Variants in ATAD5 observed in about 807,000 individuals in gnomAD.
The protein encoded by ATAD5 is ATPase family AAA domain-containing protein 5.
Under a neutral mutation model 176.9 loss-of-function variants are expected in ATAD5, and 58 were observed. The ratio of observed to expected loss-of-function variants is 0.33; its 90% CI spans 0.27 to 0.41. ATAD5 has a LOEUF of 0.41. Ranked by LOEUF, ATAD5 falls within the 10% of genes least tolerant of loss-of-function variation. The probability of loss-of-function intolerance (pLI) is 1.00; values close to 1 mark genes in which losing one functional copy is unlikely to be tolerated. For missense variants in ATAD5, 1,789 were observed against 2,094.1 expected, an observed-to-expected ratio of 0.85 and a Z score of 2.84; for synonymous variants, 640 against 712.6, an observed-to-expected ratio of 0.90 and a Z score of 1.62.
chr17:30,890,922 T>C (rs1254275047), intron 19 of ATAD5, among the ~76,000 whole-genome samples: 2 of 152,190 alleles, frequency 1.3e-5, no homozygotes, highest in Non-Finnish European at 2.9e-5. Flanking sequence ...AGTTTATTGT[T>C]AGCACATACG....
intron 6 of ATAD5, among the ~76,000 whole-genome samples, chr17:30,846,424 G>A (rs1217741975): frequency 1.5e-5 from 2 of 133,932 alleles, no homozygotes; most frequent in African/African-American, 5.5e-5. Flanking sequence ...TTTTTTTTTA[G>A]ACGGAGTCTC....
At chr17:30,884,521 C>T (rs1301800938) in intron 18 of ATAD5, among the ~76,000 whole-genome samples, 8 of 144,492 alleles carry the variant, frequency 5.5e-5, no homozygotes, top group African/African-American at 1.6e-4. Context: ...CTCTGCCTCC[C>T]GGTTTCAAGC....
chr17:30,884,429 T>C lies in ATAD5; in HGVS notation c.4078-2763T>C, dbSNP rs562169020. ...CATTATATTTCTTTTCTTTTCTTTTTTTTTTTTTTTTTTTTTTGAGATGTA... is the reference window on the plus strand; with the variant it reads ...CATTATATTTCTTTTCTTTTCTTTTCTTTTTTTTTTTTTTTTTGAGATGTA... On this transcript the variant is annotated intron_variant, in intron 18 of 22. Transcript: ENST00000321990. Among the ~76,000 whole-genome samples, 73 of 136,244 alleles carry C rather than the reference T, an allele frequency of 5.4e-4. No individual in the cohort carries two copies. In the South Asian group the frequency reaches 5.6e-3, roughly 11 times the overall value. 89.4% of individuals were successfully genotyped at this position (136,244 alleles called of 152,430 possible). A position where few individuals can be genotyped will look rare whatever the true frequency, so the allele number is the denominator to read the frequency against.
At chr17:30,872,619 G>A (rs576847665) in intron 14 of ATAD5, among the ~76,000 whole-genome samples, 3 of 150,314 alleles carry the variant, frequency 2.0e-5, no homozygotes, top group East Asian at 3.9e-4. Context: ...GCAGTGGTGC[G>A]ATCTTGGTGC....
intron 19 of ATAD5, 35 bp from the exon 20 acceptor site, chr17:30,892,570 TAC>T (rs1909695739): frequency 7.1e-7 from 1 of 1,417,136 alleles, no homozygotes; most frequent in East Asian, 2.4e-5. Flanking sequence ...ATTTGTTTAA[TAC>T]ATATATAGAG....
chr17:30,877,983 A>C lies in ATAD5; in HGVS notation c.3919-20A>C, dbSNP rs1567696171. 2 of 1,491,464 alleles carry C rather than the reference A, an allele frequency of 1.3e-6. No homozygotes were observed. The highest frequency in any genetic ancestry group is 1.9e-6 in the Non-Finnish European group (2 of 1,073,984). The allele number at this position is 1,491,464 out of a possible 1,614,324, so 92.4% of individuals were successfully genotyped here. A position where few individuals can be genotyped will look rare whatever the true frequency, so the allele number is the denominator to read the frequency against. ...ATATTAGTAAGTGTATTAATATATT[A>C]ATATTCTAATAAACTGTAGGTTGAT... On this transcript the variant is annotated intron_variant, in intron 16 of 22. Coordinates refer to ENST00000321990, the MANE Select transcript of ATAD5 (RefSeq NM_024857.5).
At chr17:30,849,771 A>G (rs1045432908) in intron 6 of ATAD5, among the ~76,000 whole-genome samples, 3 of 152,220 alleles carry the variant, frequency 2.0e-5, no homozygotes, top group African/African-American at 7.2e-5. Flanking sequence ...GATGACGTCC[A>G]GTTTATGGGT....
At position 30,894,884 on chromosome 17, in the gene ATAD5, G is replaced by C. The variant is rs917451041; in HGVS notation, c.5506G>C (p.Val1836Leu). ...GIHLDIPKETVNTLAADFP is the reference protein window; with the variant it reads ...GIHLDIPKETLNTLAADFP ...TCATCTTGACATTCCAAAAGAGACT[G>C]TGAATACTTTGGCAGCTGACTTCCC... Residue 1836 changes from valine (V) to leucine (L), a missense_variant, in exon 23 of 23, where the codon GTG (valine) becomes CTG (leucine). Coordinates refer to ENST00000321990, the MANE Select transcript of ATAD5 (RefSeq NM_024857.5). 6.9e-6 allele frequency: 11 copies of C among 1,598,474 alleles called. No homozygotes were observed. Among genetic ancestry groups the C allele is most frequent in the Non-Finnish European group, 9.4e-6 (11 of 1,175,654 alleles).
chr17:30,869,883 A>C, intron 14 of ATAD5: 1 of 450,160 alleles, frequency 2.2e-6, no homozygotes, highest in Non-Finnish European at 3.9e-6. Flanking sequence ...TAACTATAAT[A>C]TCGTAATCAG....
intron 2 of ATAD5, among the ~76,000 whole-genome samples, 197 bp downstream of exon 2, chr17:30,836,245 C>G (rs1483796809): frequency 6.6e-6 from 1 of 150,912 alleles, no homozygotes. Context: ...GTGGGGCAAT[C>G]TCGGCTCACT....
chr17:30,847,980 A>G (rs923411893), intron 6 of ATAD5, among the ~76,000 whole-genome samples: 3 of 152,132 alleles, frequency 2.0e-5, no homozygotes, highest in African/African-American at 7.2e-5. Context: ...TCGGCCTCCC[A>G]AAGTGCTGGG....
At chr17:30,850,376 T>G (rs1461129472) in intron 6 of ATAD5, among the ~76,000 whole-genome samples, 3 of 151,200 alleles carry the variant, frequency 2.0e-5, no homozygotes, top group Non-Finnish European at 4.4e-5. Flanking sequence ...TTTTTTTTTT[T>G]TAAAGGCAGC....
intron 18 of ATAD5, among the ~76,000 whole-genome samples, chr17:30,881,012 A>T (rs914047272): frequency 5.9e-5 from 9 of 151,558 alleles, no homozygotes; most frequent in Middle Eastern, 3.4e-3. Flanking sequence ...TCTTACGATG[A>T]TGAACAAGGC....
chr17:30,832,212 C>A lies in ATAD5; in HGVS notation c.-136C>A. 1.7e-6 allele frequency: 1 copy of A among 587,886 alleles called. No homozygotes were observed. The highest frequency in any genetic ancestry group is 2.7e-6 in the Non-Finnish European group (1 of 371,212). 36.4% of individuals were successfully genotyped at this position (587,886 alleles called of 1,614,324 possible). A position where few individuals can be genotyped will look rare whatever the true frequency, so the allele number is the denominator to read the frequency against. On this transcript the variant is annotated 5_prime_UTR_variant, in exon 1 of 23. Transcript: ENST00000321990. The stretch of plus-strand genomic sequence containing the variant: ...TCCGCTCCCGCTCTCTGTCGGTGGG[C>A]GCGGGGGAATCCGAAACGGCTCAGC...
At chr17:30,858,504 G>C (rs1420550846) in intron 9 of ATAD5, among the ~76,000 whole-genome samples, 181 bp downstream of exon 9, 1 of 152,056 alleles carries the variant, frequency 6.6e-6, no homozygotes, top group Admixed American at 6.6e-5. Context: ...TCCTGCCTCA[G>C]CCTCCTGAGT....
At chr17:30,885,459 G>T (rs1316672730) in intron 18 of ATAD5, among the ~76,000 whole-genome samples, 1 of 152,010 alleles carries the variant, frequency 6.6e-6, no homozygotes, top group African/African-American at 2.4e-5. Context: ...CATTGGGTAG[G>T]ACCTTCAATA....
intron 7 of ATAD5, among the ~76,000 whole-genome samples, chr17:30,855,944 T>C (rs563969093): frequency 8.4e-4 from 128 of 152,320 alleles, no homozygotes; most frequent in African/African-American, 3.0e-3. Context: ...TATTCTACTT[T>C]TTCTTATTTC....
At chr17:30,869,863 T>A (rs891436005) in intron 14 of ATAD5, 1 of 519,454 alleles carries the variant, frequency 1.9e-6, no homozygotes, top group East Asian at 3.8e-5. Flanking sequence ...TAAGGACTTT[T>A]AAAAAAGCAT....
At chr17:30,851,088 C>T (rs1362037364) in intron 6 of ATAD5, among the ~76,000 whole-genome samples, 3 of 143,702 alleles carry the variant, frequency 2.1e-5, no homozygotes, top group Non-Finnish European at 3.1e-5. Context: ...GGGGTTTCAC[C>T]ATGTTGGCCA....
Sources: gnomAD v4.1 joint callset for allele counts (sites outside exome capture counted in the v4.1 genomes callset) on GRCh38, gnomAD v4.1.1 for gene constraint, MANE v1.5 for transcripts, NCBI Gene and HGNC (gene_info 2026-07-23, HGNC 2026-07-21) for gene names.